Variants in HERC2 observed in about 807,000 individuals in gnomAD.
HERC2 encodes the protein HECT and RLD domain containing E3 ubiquitin protein ligase 2, also known as E3 ubiquitin-protein ligase HERC2.
Under a neutral mutation model 537.7 loss-of-function variants are expected in HERC2, and 102 were observed. The ratio of observed to expected loss-of-function variants is 0.19; its 90% CI spans 0.16 to 0.22. HERC2 has a LOEUF of 0.22. Among genes scored for constraint, HERC2 ranks in the 10% least tolerant of loss-of-function variants. HERC2 has a pLI of 1.00. For missense variants in HERC2, 4,236 were observed against 6,198.2 expected (o/e 0.68, Z 10.63); for synonymous variants, 2,224 against 2,466.2 (o/e 0.90, Z 2.91).
chr15:28,190,258 A>G (rs1896729656), intron 55 of HERC2: 1 of 145,832 alleles, frequency 6.9e-6, no homozygotes, highest in East Asian at 2.0e-4. Flanking sequence ...TGAGCTCGTG[A>G]TCTGCCCGCC....
chr15:28,149,796 C>T (rs1892215556), intron 70 of HERC2, among the ~76,000 whole-genome samples: 1 of 151,988 alleles, frequency 6.6e-6, no homozygotes, highest in Admixed American at 6.6e-5. Flanking sequence ...AGTAAAATCA[C>T]CGAAAAAACA....
rs774463466 is a variant in HERC2 at position 28,191,218 on chromosome 15, T to C, written c.8478A>G (p.Pro2826=). The change falls in exon 54 of 93, where the codon CCA becomes CCG. Residue 2826 remains proline, a synonymous_variant. Coordinates refer to ENST00000261609, the MANE Select transcript of HERC2 (RefSeq NM_004667.6). ...TTTTTAATCTATGAACAAGAACATC[T>C]GGGAAAATCTCCAAACGAATCCAGT... is the stretch of plus-strand genomic sequence containing the variant. ...GKHWIRLEIF[P]DVLVHRLKMI... 1 of 1,613,264 alleles carries C rather than the reference T, an allele frequency of 6.2e-7. No individual in the cohort carries two copies. Among genetic ancestry groups the C allele is most frequent in the Non-Finnish European group, 8.5e-7 (1 of 1,179,684 alleles).
chr15:28,240,701 C>T (rs1237153298), intron 23 of HERC2, among the ~76,000 whole-genome samples: 4 of 152,014 alleles, frequency 2.6e-5, no homozygotes. Context: ...GACAAACATA[C>T]AGAAAAATGG....
rs1897967431 is a variant in HERC2, at chr15:28,202,091, CGGTCACA to C, written c.7617+15_7617+21del. 3.0e-6 allele frequency: 4 copies of C among 1,339,992 alleles called. No homozygotes were observed. Among genetic ancestry groups the C allele is most frequent in the Non-Finnish European group, 4.2e-6 (4 of 947,370 alleles). 83.0% of individuals were successfully genotyped at this position (1,339,992 alleles called of 1,614,324 possible). On this transcript the variant is annotated intron_variant, in intron 47 of 92. Coordinates refer to ENST00000261609, the MANE Select transcript of HERC2 (RefSeq NM_004667.6). The stretch of plus-strand genomic sequence containing the variant: ...AGACGGACAGCGGCCCAGGTGCGGG[CGGTCACA>C]TGGGAGGCACTGACCATGGAGTAGG...
intron 4 of HERC2, 54 bp downstream of exon 4, chr15:28,292,834 T>C (rs911787163): frequency 6.4e-7 from 1 of 1,558,094 alleles, no homozygotes; most frequent in African/African-American, 1.4e-5. Context: ...CCAAGTTATT[T>C]AGAAAGGGAG....
intron 70 of HERC2, among the ~76,000 whole-genome samples, chr15:28,148,113 T>C (rs1891962191): frequency 6.7e-6 from 1 of 148,816 alleles, no homozygotes; most frequent in South Asian, 2.1e-4. Context: ...GCCAGAAAGA[T>C]ACACCCACAA....
chr15:28,245,362 C>G (rs1035826682), intron 23 of HERC2, among the ~76,000 whole-genome samples: 2 of 151,896 alleles, frequency 1.3e-5, no homozygotes, highest in South Asian at 2.1e-4. Flanking sequence ...TCCTGGACAA[C>G]ATGGTGAAAC....
At position 28,113,161 on chromosome 15, in the gene HERC2, T is replaced by C. The variant is rs779412059; in HGVS notation, c.14142A>G (p.Thr4714=). 5.0e-6 allele frequency: 8 copies of C among 1,614,098 alleles called. No homozygotes were observed. Among genetic ancestry groups the C allele is most frequent in the Non-Finnish European group, 5.9e-6 (7 of 1,180,032 alleles). ...FWEVMESFSN[T]ERSLFLRFVW... is the part of the protein sequence containing the mutation. ...CGAAGCGAAGGAAAAGAGAGCGCTC[T>C]GTGTTGGAGAAGGACTCCATCACCT... The change falls in exon 92 of 93, where the codon ACA becomes ACG. Residue 4714 remains threonine (T), a synonymous_variant. Transcript: ENST00000261609. The surrounding 1 kb of genome is among the most constrained non-coding windows in gnomAD (Gnocchi z 7.0).
intron 25 of HERC2, 111 bp from the exon 26 acceptor site, chr15:28,237,224 C>T: frequency 1.1e-6 from 1 of 899,280 alleles, no homozygotes; most frequent in South Asian, 1.4e-5. Context: ...CCCAGGGGTG[C>T]TCTGGGCATT....
chr15:28,187,340 T>C (rs1896409421), intron 55 of HERC2, among the ~76,000 whole-genome samples: 1 of 152,102 alleles, frequency 6.6e-6, no homozygotes, highest in Non-Finnish European at 1.5e-5. Context: ...TTTTGTTTTT[T>C]TGTTTTTTTT....
intron 38 of HERC2, among the ~76,000 whole-genome samples, chr15:28,217,714 C>A (rs1047360520): frequency 1.3e-5 from 2 of 152,172 alleles, no homozygotes; most frequent in African/African-American, 2.4e-5. Context: ...TAGGTGACAT[C>A]ATGTTGGATT....
intron 78 of HERC2, among the ~76,000 whole-genome samples, chr15:28,137,359 C>T (rs939730205): frequency 1.3e-5 from 2 of 152,116 alleles, no homozygotes; most frequent in African/African-American, 4.8e-5. Flanking sequence ...TTGACTGTGC[C>T]TTGCTTTACT....
At chr15:28,305,224 T>G (rs2076752654) in intron 2 of HERC2, among the ~76,000 whole-genome samples, 1 of 151,166 alleles carries the variant, frequency 6.6e-6, no homozygotes, top group African/African-American at 2.4e-5. Context: ...CATTTGGGTA[T>G]ATACCCAGTA....
chr15:28,204,465 C>T (rs1898197938), intron 45 of HERC2, among the ~76,000 whole-genome samples: 2 of 151,838 alleles, frequency 1.3e-5, no homozygotes, highest in South Asian at 4.2e-4. Flanking sequence ...ACTAAATATA[C>T]AAAAATTAGC....
chr15:28,214,471 C>T (rs1899647667), intron 40 of HERC2, among the ~76,000 whole-genome samples, 184 bp downstream of exon 40: 1 of 151,462 alleles, frequency 6.6e-6, no homozygotes, highest in Non-Finnish European at 1.5e-5. Context: ...GGCCACGCAC[C>T]TCTGAGTGAC....
intron 2 of HERC2, among the ~76,000 whole-genome samples, chr15:28,309,894 C>G (rs2525943): frequency 4.2e-4 from 64 of 152,366 alleles, no homozygotes; most frequent in African/African-American, 1.3e-3. Flanking sequence ...TCTCAGCACT[C>G]TTATTTTTTC....
intron 4 of HERC2, among the ~76,000 whole-genome samples, chr15:28,290,179 T>A (rs1317121046): frequency 6.6e-6 from 1 of 152,232 alleles, no homozygotes. Flanking sequence ...GCCAACCTTG[T>A]GTGTTAGTTC....
At chr15:28,240,522 A>G (rs1902993585) in intron 23 of HERC2, among the ~76,000 whole-genome samples, 1 of 152,234 alleles carries the variant, frequency 6.6e-6, no homozygotes, top group Admixed American at 6.5e-5. Context: ...TTAAAACTAG[A>G]TTCATTTTAC....
At chr15:28,227,817 A>G (rs1901375387) in intron 35 of HERC2, among the ~76,000 whole-genome samples, 1 of 152,246 alleles carries the variant, frequency 6.6e-6, no homozygotes, top group Non-Finnish European at 1.5e-5. Context: ...AGCCATAAAA[A>G]TAAAGTACTG....
Sources: allele counts gnomAD v4.1 joint callset (sites outside exome capture counted in the v4.1 genomes callset), GRCh38; gene constraint gnomAD v4.1.1; non-coding constraint Gnocchi (gnomAD v3.1); transcripts MANE v1.5; gene names NCBI Gene and HGNC (gene_info 2026-07-23, HGNC 2026-07-21).